ARRB2: variants seen among roughly 807,000 people sequenced by gnomAD.
ARRB2 encodes arrestin beta 2, also known as beta-arrestin-2.
Under a neutral mutation model 53.4 loss-of-function variants are expected in ARRB2, and 21 were observed. The observed-to-expected ratio is 0.39, with a 90% CI of 0.28 to 0.57. ARRB2 has a LOEUF of 0.57. Among genes scored for constraint, ARRB2 ranks in the 20% least tolerant of loss-of-function variants. The probability of loss-of-function intolerance (pLI) is 0.55; values close to 1 mark genes in which losing one functional copy is unlikely to be tolerated. For synonymous variants in ARRB2, 180 were observed against 212.9 expected (o/e 0.85, Z 1.34); for missense variants, 369 against 527.5 (o/e 0.70, Z 2.94).
Position 4,716,614 on chromosome 17 carries a change from G to T in ARRB2, c.357+6G>T, listed in dbSNP as rs1044663637. On this transcript the variant is annotated splice_donor_region_variant and intron_variant, in intron 5 of 14. Coordinates refer to ENST00000269260, the MANE Select transcript of ARRB2 (RefSeq NM_004313.4). ...CCCACCCCTTCTTCTTCACCGTGAG[G>T]ATGCCCCTGCCCTCTGAGGGCCAGG... 1 of 1,558,718 alleles carries T rather than the reference G, an allele frequency of 6.4e-7. No homozygotes were observed. Among genetic ancestry groups the T allele is most frequent in the South Asian group, 1.2e-5 (1 of 84,908 alleles).
intron 5 of ARRB2, 171 bp downstream of exon 5, chr17:4,716,779 C>T: frequency 2.3e-6 from 3 of 1,287,034 alleles, no homozygotes; most frequent in Non-Finnish European, 3.1e-6. Flanking sequence ...TTATCTGCCT[C>T]CTCTCTGGGG....
At chr17:4,716,924 T>C in intron 5 of ARRB2, 1 of 596,958 alleles carries the variant, frequency 1.7e-6, no homozygotes, top group Non-Finnish European at 2.9e-6. Flanking sequence ...AACCTCCGCC[T>C]CCCAGGTTCA....
intron 2 of ARRB2, 52 bp downstream of exon 2, chr17:4,715,095 C>T: frequency 6.3e-7 from 1 of 1,576,932 alleles, no homozygotes; most frequent in Non-Finnish European, 8.6e-7. Flanking sequence ...CCCAACAAAG[C>T]CCAGCCTTCC....
At chr17:4,713,630 C>A (rs948899842) in intron 1 of ARRB2, among the ~76,000 whole-genome samples, 1 of 146,100 alleles carries the variant, frequency 6.8e-6, no homozygotes. Flanking sequence ...GACTCCGTTT[C>A]AAAAAAAAAA....
At chr17:4,718,543 GT>G in intron 9 of ARRB2, 68 bp from the exon 10 acceptor site, 6 of 1,515,038 alleles carry the variant, frequency 4.0e-6, no homozygotes, top group Non-Finnish European at 5.4e-6. Context: ...ACGCCACGGG[GT>G]CTGGAGTTGT....
intron 1 of ARRB2, 51 bp from the exon 2 acceptor site, chr17:4,714,962 T>A: frequency 6.4e-7 from 1 of 1,565,160 alleles, no homozygotes. Context: ...TGGTGTGGGG[T>A]CCCTGCTGAG....
intron 11 of ARRB2, 135 bp from the exon 12 acceptor site, chr17:4,720,081 G>A (rs1389253144): frequency 1.3e-5 from 11 of 860,936 alleles, no homozygotes; most frequent in African/African-American, 3.4e-5. Context: ...TACCATAACC[G>A]CACGGCCTGG....
intron 1 of ARRB2, chr17:4,714,540 G>A (rs1460746359): frequency 4.2e-6 from 1 of 240,376 alleles, no homozygotes; most frequent in African/African-American, 2.3e-5. Context: ...GGGGACGAAT[G>A]AGGGTGGACA....
chr17:4,715,104 C>A, intron 2 of ARRB2, 61 bp downstream of exon 2: 2 of 1,562,192 alleles, frequency 1.3e-6, no homozygotes, highest in African/African-American at 1.3e-5. Context: ...GCCCAGCCTT[C>A]CCCTAGACGA....
At position 4,720,442 on chromosome 17, in the gene ARRB2, G is replaced by A; in HGVS notation, c.1051G>A (p.Asp351Asn). The change falls in exon 13 of 15, where the codon GAC becomes AAC. Residue 351 changes from aspartate (D) to asparagine (N), a missense_variant. Asp to Asn is a conservative substitution (Grantham distance 23, BLOSUM62 1). Coordinates refer to ENST00000269260, the MANE Select transcript of ARRB2 (RefSeq NM_004313.4). Reference protein sequence around the residue: ...PFVLMHPKPHDHIPLPRPQSA... With the variant: ...PFVLMHPKPHNHIPLPRPQSA... The stretch of plus-strand genomic sequence containing the variant: ...TGTTCTTATGCACCCCAAGCCCCAC[G>A]ACCACATCCCCCTCCCCAGACCCCA... The A allele has an allele frequency of 4.3e-6, 7 of 1,612,658 alleles. No homozygotes were observed. The highest frequency in any genetic ancestry group is 2.2e-5 in the South Asian group (2 of 91,032).
chr17:4,716,229 G>A (rs777034544), intron 4 of ARRB2, 38 bp downstream of exon 4: 12 of 1,613,404 alleles, frequency 7.4e-6, no homozygotes, highest in Non-Finnish European at 1.0e-5. Context: ...GGGAAAGTGG[G>A]GGCTAGGGAA....
chr17:4,718,118 T>C, intron 8 of ARRB2, 95 bp downstream of exon 8: 3 of 1,577,240 alleles, frequency 1.9e-6, no homozygotes, highest in Non-Finnish European at 2.6e-6. Flanking sequence ...GTAAAGGAGG[T>C]TGCCTTGGCT....
intron 1 of ARRB2, among the ~76,000 whole-genome samples, chr17:4,714,400 T>C (rs942809660): frequency 1.3e-4 from 20 of 152,332 alleles, no homozygotes; most frequent in African/African-American, 4.8e-4. Context: ...GCTCCAGCTG[T>C]CAGAGCTGTA....
intron 13 of ARRB2, 22 bp from the exon 14 acceptor site, chr17:4,720,564 C>A: frequency 3.8e-6 from 6 of 1,565,126 alleles, no homozygotes; most frequent in Admixed American, 2.0e-5. Flanking sequence ...CACCCCCACA[C>A]CCCCTCTTCC....
rs772331711 is a variant in ARRB2, at chr17:4,719,158, C to A, written c.780-125C>A. The A allele has an allele frequency of 3.4e-6, 4 of 1,192,602 alleles. No homozygotes were observed. The African/African-American group carries it at 4.6e-5, about 14-fold the overall frequency. 73.9% of individuals were successfully genotyped at this position (1,192,602 alleles called of 1,614,324 possible). A position where few individuals can be genotyped will look rare whatever the true frequency, so the allele number is the denominator to read the frequency against. The stretch of plus-strand genomic sequence containing the variant: ...TGAGCACGTTGAGCCAAAACCTACT[C>A]CCTTGTGACCTGTGCCCAAAGAAAC... On this transcript the variant is annotated intron_variant, in intron 10 of 14. Coordinates refer to ENST00000269260, the MANE Select transcript of ARRB2 (RefSeq NM_004313.4).
rs1915203129 is a variant in ARRB2 at position 4,717,613 on chromosome 17, G to A, written c.418-72G>A. 1.3e-6 allele frequency: 2 copies of A among 1,590,008 alleles called. No individual in the cohort carries two copies. Among genetic ancestry groups the A allele is most frequent in the South Asian group, 1.1e-5 (1 of 90,582 alleles). ...AGAGTCCCTGCCCGAGAGGAGGGAA[G>A]GGGGAGGAAGAAAGGGCAGTGATGG... On this transcript the variant is annotated intron_variant, in intron 6 of 14. Transcript: ENST00000269260. The surrounding 1 kb of genome is among the most constrained non-coding windows in gnomAD (Gnocchi z 6.0).
chr17:4,716,837 C>CT (rs1432542826), intron 5 of ARRB2: 1 of 785,534 alleles, frequency 1.3e-6, no homozygotes, highest in Non-Finnish European at 2.0e-6. Flanking sequence ...TCTCCAGCCT[C>CT]TTTTTTGTTG....
intron 14 of ARRB2, 59 bp from the exon 15 acceptor site, chr17:4,720,887 G>A: frequency 5.9e-6 from 9 of 1,523,794 alleles, no homozygotes; most frequent in Non-Finnish European, 8.0e-6. Flanking sequence ...GGCAGGGAGT[G>A]GGAGGCTGGG....
chr17:4,715,654 CACAT>C, intron 2 of ARRB2: 2 of 426,458 alleles, frequency 4.7e-6, no homozygotes, highest in South Asian at 2.4e-5. Context: ...GACACACATG[CACAT>C]ACATGTTCAC....
Sources: allele counts gnomAD v4.1 joint callset (sites outside exome capture counted in the v4.1 genomes callset), GRCh38; gene constraint gnomAD v4.1.1; non-coding constraint Gnocchi (gnomAD v3.1); transcripts MANE v1.5; gene names NCBI Gene and HGNC (gene_info 2026-07-23, HGNC 2026-07-21).